The following TTC28 variants were observed in gnomAD, a reference collection of about 807,000 sequenced individuals.
TTC28 encodes tetratricopeptide repeat domain 28, also known as tetratricopeptide repeat protein 28.
TTC28 carries 61 observed loss-of-function variants against 198.0 expected under a neutral mutation model. That is an observed-to-expected ratio of 0.31 (90% CI 0.25 to 0.38). The LOEUF (loss-of-function observed/expected upper bound fraction) is 0.38. TTC28 is among the 10% of genes least tolerant of loss of function. TTC28 has a pLI of 1.00. For missense variants in TTC28, 2,678 were observed against 3,164.0 expected (o/e 0.85, Z 3.69); for synonymous variants, 1,171 against 1,297.8 (o/e 0.90, Z 2.10).
intron 2 of TTC28, among the ~76,000 whole-genome samples, chr22:28,518,878 GA>G (rs1265426499): frequency 6.6e-6 from 1 of 152,014 alleles, no homozygotes; most frequent in Non-Finnish European, 1.5e-5. Flanking sequence ...TTTAAATGAT[GA>G]AAAAAATTAA....
chr22:28,402,416 C>G (rs75595949), intron 2 of TTC28, among the ~76,000 whole-genome samples: 4,553 of 152,308 alleles, frequency 0.03, 98 homozygotes, highest in Non-Finnish European at 0.049. Context: ...CTTTTCTTTA[C>G]CTAAAATCAC....
intron 6 of TTC28, among the ~76,000 whole-genome samples, chr22:28,140,352 G>A (rs921409355): frequency 2.0e-5 from 3 of 152,176 alleles, no homozygotes; most frequent in Admixed American, 6.5e-5. Context: ...AGCAGCTAAC[G>A]GCTCTAGAAC....
In TTC28 at chr22:28,296,256, T is replaced by C. The variant is rs2044892849; in HGVS notation, c.875A>G (p.Glu292Gly). The change falls in exon 5 of 23, where the codon GAG becomes GGG. Residue 292 changes from glutamate to glycine, a missense_variant. Coordinates refer to ENST00000397906, the MANE Select transcript of TTC28 (RefSeq NM_001145418.2). Reference sequence around the variant, plus strand: ...CTGATGCCTGTGGTTAGTGAGAGCCTCCCGGTAATTTCCTTTGGAGAAGAA... The same window carrying C: ...CTGATGCCTGTGGTTAGTGAGAGCCCCCCGGTAATTTCCTTTGGAGAAGAA... ...SAFFSKGNYR[E>G]ALTNHRHQLV... The C allele has an allele frequency of 1.9e-6, 3 of 1,550,960 alleles. No homozygotes were observed. The highest frequency in any genetic ancestry group is 2.6e-6 in the Non-Finnish European group (3 of 1,146,662).
chr22:28,575,369 T>C lies in TTC28; in HGVS notation c.381+54183A>G, dbSNP rs571203133. Reference sequence around the variant, plus strand: ...TTTGTTTCTACGCTCCCTATTCTGTTCCATTGGTCTATGTGTTTGTTTTTA... The same window carrying C: ...TTTGTTTCTACGCTCCCTATTCTGTCCCATTGGTCTATGTGTTTGTTTTTA... On this transcript the variant is annotated intron_variant, in intron 2 of 22. Coordinates refer to ENST00000397906, the MANE Select transcript of TTC28 (RefSeq NM_001145418.2). Among the ~76,000 whole-genome samples the C allele has an allele frequency of 3.3e-5, 5 of 152,342 alleles. No homozygotes were observed. In the East Asian group the frequency reaches 9.6e-4, roughly 29 times the overall value.
At chr22:28,276,261 C>T (rs1932419692) in intron 5 of TTC28, among the ~76,000 whole-genome samples, 1 of 152,126 alleles carries the variant, frequency 6.6e-6, no homozygotes, top group Non-Finnish European at 1.5e-5. Context: ...GATCTGCCTG[C>T]CTCAGCCTCC....
intron 6 of TTC28, among the ~76,000 whole-genome samples, chr22:28,134,439 A>T (rs1034907127): frequency 2.6e-5 from 4 of 152,238 alleles, no homozygotes; most frequent in African/African-American, 9.6e-5. Context: ...CGAACCCATC[A>T]CAAAGAAGCT....
intron 12 of TTC28, among the ~76,000 whole-genome samples, chr22:28,045,115 C>T (rs114205198): frequency 0.015 from 2,353 of 152,266 alleles, 81 homozygotes; most frequent in African/African-American, 0.055. Context: ...CCCTCTCCCC[C>T]ACCAATTAGG....
At chr22:28,110,045 G>A (rs1179443089) in intron 6 of TTC28, among the ~76,000 whole-genome samples, 1 of 152,222 alleles carries the variant, frequency 6.6e-6, no homozygotes, top group East Asian at 1.9e-4. Flanking sequence ...GTGGGCAGCA[G>A]GGGTAGAAAG....
In TTC28 at chr22:28,170,591, T is replaced by G. The variant is rs183557174; in HGVS notation, c.934-6992A>C. 6.8e-3 allele frequency among the ~76,000 whole-genome samples: 1,036 copies of G among 152,352 alleles called. 4 individuals carry two copies. The highest frequency in any genetic ancestry group is 9.7e-3 in the Non-Finnish European group (660 of 68,026). On this transcript the variant is annotated intron_variant, in intron 5 of 22. Transcript: ENST00000397906. ...ATCCATGCTTGGCTTTTTGCACTCCTGGGAATATCTCTCTTCTTGTCTTCT... is the reference window on the plus strand; with the variant it reads ...ATCCATGCTTGGCTTTTTGCACTCCGGGGAATATCTCTCTTCTTGTCTTCT...
chr22:28,323,538 T>C (rs929670657), intron 2 of TTC28, among the ~76,000 whole-genome samples: 15 of 152,168 alleles, frequency 9.9e-5, no homozygotes, highest in Admixed American at 6.6e-4. Flanking sequence ...AAGGAATTAT[T>C]AAGCTTGAAG....
chr22:28,192,185 G>A (rs529216540), intron 5 of TTC28, among the ~76,000 whole-genome samples: 1 of 152,286 alleles, frequency 6.6e-6, no homozygotes, highest in African/African-American at 2.4e-5. Context: ...ACAGGGTCTG[G>A]AGTGGACCTC....
intron 5 of TTC28, among the ~76,000 whole-genome samples, chr22:28,280,815 AT>A (rs1022671290): frequency 1.9e-4 from 29 of 151,634 alleles, no homozygotes; most frequent in Non-Finnish European, 3.5e-4. Flanking sequence ...CTTATTTTTA[AT>A]TGTTTTTATT....
intron 12 of TTC28, among the ~76,000 whole-genome samples, chr22:28,037,145 G>A (rs1939392611): frequency 6.6e-6 from 1 of 152,144 alleles, no homozygotes; most frequent in Non-Finnish European, 1.5e-5. Flanking sequence ...GAAAAAGAGG[G>A]AATCCTCCCT....
chr22:28,581,811 G>A (rs1170976103), intron 2 of TTC28, among the ~76,000 whole-genome samples: 1 of 152,048 alleles, frequency 6.6e-6, no homozygotes, highest in African/African-American at 2.4e-5. Context: ...ATGTATCTAT[G>A]TTACTTGGCA....
intron 2 of TTC28, among the ~76,000 whole-genome samples, chr22:28,338,445 G>T (rs1163726149): frequency 6.6e-6 from 1 of 152,086 alleles, no homozygotes; most frequent in Non-Finnish European, 1.5e-5. Context: ...TTCCAACTTG[G>T]TTCCATTCTC....
intron 2 of TTC28, among the ~76,000 whole-genome samples, chr22:28,366,697 A>G (rs1183802294): frequency 6.6e-6 from 1 of 152,116 alleles, no homozygotes; most frequent in East Asian, 1.9e-4. Flanking sequence ...TACAAGAAAC[A>G]CAGTTCACCT....
At chr22:28,629,364 C>T in intron 2 of TTC28, 188 bp downstream of exon 2, 1 of 584,086 alleles carries the variant, frequency 1.7e-6, no homozygotes, top group Non-Finnish European at 2.9e-6. Context: ...ACATGGAAAG[C>T]ATGCTACAAA....
intron 5 of TTC28, among the ~76,000 whole-genome samples, chr22:28,215,391 A>C (rs1433928131): frequency 6.6e-6 from 1 of 152,188 alleles, no homozygotes; most frequent in African/African-American, 2.4e-5. Flanking sequence ...TATCTCACAC[A>C]CTATGAAAAG....
intron 2 of TTC28, among the ~76,000 whole-genome samples, chr22:28,413,158 G>A (rs973535497): frequency 1.3e-5 from 2 of 152,060 alleles, no homozygotes; most frequent in African/African-American, 4.8e-5. Flanking sequence ...CGTCTCAGCC[G>A]GGCGCGGTGC....
Sources: gnomAD v4.1 joint callset for allele counts (sites outside exome capture counted in the v4.1 genomes callset) on GRCh38, gnomAD v4.1.1 for gene constraint, MANE v1.5 for transcripts, NCBI Gene and HGNC (gene_info 2026-07-23, HGNC 2026-07-21) for gene names.